Variants in CLDN14 observed in about 807,000 individuals in gnomAD.
The protein encoded by CLDN14 is claudin-14.
Under a neutral mutation model 2.1 loss-of-function variants are expected in CLDN14, and 2 were observed. The observed-to-expected ratio is 0.96, with a 90% CI of 0.39 to 3.01. The LOEUF is 3.01. Ranked by LOEUF, CLDN14 falls within the 30% of genes most tolerant of loss-of-function variation. The pLI is 0.09. For synonymous variants in CLDN14, 136 were observed against 154.4 expected (o/e 0.88, Z 0.88); for missense variants, 298 against 328.0 (o/e 0.91, Z 0.71).
intron 1 of CLDN14, among the ~76,000 whole-genome samples, chr21:36,557,245 T>C (rs113512602): frequency 0.015 from 2,237 of 152,360 alleles, 60 homozygotes; most frequent in African/African-American, 0.051. Flanking sequence ...AATGCTGTAA[T>C]GAACATGAGA....
chr21:36,567,154 G>A (rs1019046375), intron 1 of CLDN14, among the ~76,000 whole-genome samples: 1 of 152,206 alleles, frequency 6.6e-6, no homozygotes, highest in African/African-American at 2.4e-5. Context: ...CTATTAGGCG[G>A]CTTGGAGGCA....
intron 1 of CLDN14, among the ~76,000 whole-genome samples, chr21:36,567,456 G>A (rs2087681151): frequency 6.6e-6 from 1 of 152,216 alleles, no homozygotes; most frequent in Admixed American, 6.5e-5. Flanking sequence ...GCTGATTTAT[G>A]TCTATTCACA....
intron 2 of CLDN14, chr21:36,487,477 C>T (rs1477572746): frequency 6.5e-6 from 1 of 154,906 alleles, no homozygotes; most frequent in Non-Finnish European, 1.5e-5. Context: ...TTAATAGTGC[C>T]TCATAGTCTA....
chr21:36,472,460 G>A (rs2086721607), intron 1 of CLDN14, among the ~76,000 whole-genome samples: 1 of 152,182 alleles, frequency 6.6e-6, no homozygotes, highest in South Asian at 2.1e-4. Flanking sequence ...ACTTGGCTGG[G>A]CCATGGGGTG....
chr21:36,561,510 C>T (rs947161820), intron 1 of CLDN14, among the ~76,000 whole-genome samples: 6 of 152,122 alleles, frequency 3.9e-5, no homozygotes, highest in African/African-American at 7.2e-5. Context: ...TTGGCTGCCC[C>T]GCTGCCCCTC....
intron 1 of CLDN14, among the ~76,000 whole-genome samples, chr21:36,549,196 A>C (rs2146516053): frequency 6.7e-6 from 1 of 149,898 alleles, no homozygotes; most frequent in Admixed American, 6.7e-5. Flanking sequence ...TGTCAGCATG[A>C]GCAGAAATGG....
rs74389932 is a variant in CLDN14, at chr21:36,523,868, C to T, written c.-219-13368G>A. 2.4e-3 allele frequency among the ~76,000 whole-genome samples: 365 copies of T among 151,496 alleles called. 7 individuals carry two copies. Among genetic ancestry groups the T allele is most frequent in the African/African-American group, 8.5e-3 (352 of 41,248 alleles). On this transcript the variant is annotated intron_variant, in intron 1 of 2. Transcript: ENST00000342108. ...GTGGATTCGGCACCATCCCTAATAACAGGTGGGAAGGGACTGCCCTTACTG... is the reference window on the plus strand; with the variant it reads ...GTGGATTCGGCACCATCCCTAATAATAGGTGGGAAGGGACTGCCCTTACTG...
At chr21:36,501,779 C>T (rs1291316850) in intron 2 of CLDN14, among the ~76,000 whole-genome samples, 6 of 152,248 alleles carry the variant, frequency 3.9e-5, no homozygotes, top group Non-Finnish European at 7.3e-5. Context: ...TAGTTGAACA[C>T]ACCCCAGGCT....
intron 1 of CLDN14, among the ~76,000 whole-genome samples, chr21:36,570,659 T>C (rs1311235473): frequency 6.6e-6 from 1 of 152,200 alleles, no homozygotes; most frequent in East Asian, 1.9e-4. Flanking sequence ...AAACAAACAA[T>C]AGATTGGCAT....
upstream of CLDN14, among the ~76,000 whole-genome samples, chr21:36,484,848 G>C (rs1294185787): frequency 1.3e-5 from 2 of 152,198 alleles, no homozygotes; most frequent in African/African-American, 2.4e-5. Flanking sequence ...CGAGTGCTGG[G>C]ATTACAGGCA....
chr21:36,537,148 G>A (rs901874819), intron 1 of CLDN14, among the ~76,000 whole-genome samples: 27 of 152,222 alleles, frequency 1.8e-4, no homozygotes, highest in African/African-American at 6.3e-4. Context: ...CGGAGATGGC[G>A]CCATTGCACT....
At chr21:36,523,015 C>G (rs529149480) in intron 1 of CLDN14, among the ~76,000 whole-genome samples, 30 of 152,252 alleles carry the variant, frequency 2.0e-4, no homozygotes, top group African/African-American at 6.3e-4. Flanking sequence ...AGGCTGAACC[C>G]AAGACCAACC....
At chr21:36,546,706 C>A (rs1174176028) in intron 1 of CLDN14, among the ~76,000 whole-genome samples, 1 of 152,084 alleles carries the variant, frequency 6.6e-6, no homozygotes, top group Non-Finnish European at 1.5e-5. Context: ...TCTTATGTAT[C>A]CATCACCAAA....
rs759335721 is a variant in CLDN14, at chr21:36,498,602, G to A, written c.-82+11761C>T. On this transcript the variant is annotated intron_variant, in intron 2 of 2. Coordinates refer to the CLDN14 transcript ENST00000342108. The surrounding 1 kb of genome is among the most constrained non-coding windows in gnomAD (Gnocchi z 4.9). ...CTATAAACTGAGCACTGTTGCAGGC[G>A]ATGGGGACGTGGAACTGGTAGGACC... Among the ~76,000 whole-genome samples the A allele has an allele frequency of 2.6e-5, 4 of 152,168 alleles. No homozygotes were observed. The highest frequency in any genetic ancestry group is 4.4e-5 in the Non-Finnish European group (3 of 68,028).
Position 36,551,890 on chromosome 21 carries a change from C to T in CLDN14, c.-220+24521G>A, listed in dbSNP as rs979500918. ...ACCCAACAGCCCTGCTGCTCCCAGC[C>T]GCAGACAAGCCATCCTTCTTGGCTG... On this transcript the variant is annotated intron_variant, in intron 1 of 2. Transcript: ENST00000342108. This position sits in a 1 kb window ranked among gnomAD's most constrained non-coding sequence, Gnocchi z 4.8. Among the ~76,000 whole-genome samples the T allele has an allele frequency of 1.4e-4, 22 of 152,118 alleles. No homozygotes were observed. Among genetic ancestry groups the T allele is most frequent in the African/African-American group, 4.3e-4 (18 of 41,418 alleles).
intron 2 of CLDN14, among the ~76,000 whole-genome samples, chr21:36,509,853 C>A (rs1229647232): frequency 6.6e-6 from 1 of 152,148 alleles, no homozygotes; most frequent in East Asian, 1.9e-4. Context: ...CTCAGCCTCC[C>A]AAAGTACTGG....
In CLDN14 at chr21:36,460,640, C is replaced by T. The variant is rs1054040570; in HGVS notation, c.*336G>A. On this transcript the variant is annotated 3_prime_UTR_variant, in exon 2 of 2. Coordinates refer to ENST00000399135, the MANE Select transcript of CLDN14 (RefSeq NM_001146079.2). This position sits in a 1 kb window ranked among gnomAD's most constrained non-coding sequence, Gnocchi z 4.0. ...TGTCCATTTCATAAACAGCCACATC[C>T]GCAAGGTTTATTCCTGGATCACAAA... 4 of 278,860 alleles carry T rather than the reference C, an allele frequency of 1.4e-5. No individual in the cohort carries two copies. The highest frequency in any genetic ancestry group is 2.2e-5 in the African/African-American group (1 of 45,008). The allele number at this position is 278,860 out of a possible 1,614,324, so 17.3% of individuals were successfully genotyped here.
intron 2 of CLDN14, among the ~76,000 whole-genome samples, chr21:36,496,787 C>A (rs146262177): frequency 0.72 from 59 of 82 alleles, 26 homozygotes; most frequent in Non-Finnish European, 0.88. Context: ...GGGAGGAAGG[C>A]AGGGAGGAAG....
chr21:36,530,884 T>C (rs556096801), intron 1 of CLDN14, among the ~76,000 whole-genome samples: 4 of 152,282 alleles, frequency 2.6e-5, no homozygotes, highest in African/African-American at 7.2e-5. Context: ...GCAAAACAGA[T>C]TGTATTAAAA....
Sources: gnomAD v4.1 joint callset for allele counts (sites outside exome capture counted in the v4.1 genomes callset) on GRCh38, gnomAD v4.1.1 for gene constraint, Gnocchi (gnomAD v3.1) non-coding constraint, MANE v1.5 for transcripts, NCBI Gene and HGNC (gene_info 2026-07-23, HGNC 2026-07-21) for gene names.